CDKAL1: variants seen among roughly 807,000 people sequenced by gnomAD.
The protein encoded by CDKAL1 is threonylcarbamoyladenosine tRNA methylthiotransferase.
Under a neutral mutation model 68.2 loss-of-function variants are expected in CDKAL1, and 32 were observed. The observed-to-expected ratio is 0.47, with a 90% CI of 0.35 to 0.63. The LOEUF (loss-of-function observed/expected upper bound fraction) is 0.63. Among genes scored for constraint, CDKAL1 ranks in the 30% least tolerant of loss-of-function variants. The pLI, the probability that CDKAL1 is intolerant of heterozygous loss-of-function variation, is 0.00. For synonymous variants in CDKAL1, 234 were observed against 244.3 expected (o/e 0.96, Z 0.39); for missense variants, 606 against 696.7 (o/e 0.87, Z 1.47).
At chr6:21,034,890 C>A (rs1769487513) in intron 11 of CDKAL1, among the ~76,000 whole-genome samples, 1 of 152,042 alleles carries the variant, frequency 6.6e-6, no homozygotes, top group African/African-American at 2.4e-5. Flanking sequence ...ATAAAAGGCA[C>A]AAGGTGTAAA....
intron 9 of CDKAL1, among the ~76,000 whole-genome samples, chr6:20,948,372 A>G (rs1050087007): frequency 6.6e-6 from 1 of 152,182 alleles, no homozygotes; most frequent in Non-Finnish European, 1.5e-5. Context: ...CTGTCCTTTA[A>G]AAATCTGAAC....
At chr6:21,061,213 A>C (rs1220471456) in intron 11 of CDKAL1, among the ~76,000 whole-genome samples, 1 of 152,140 alleles carries the variant, frequency 6.6e-6, no homozygotes, top group Non-Finnish European at 1.5e-5. Flanking sequence ...TGCTTCTGAC[A>C]AGGTCAGATG....
intron 13 of CDKAL1, among the ~76,000 whole-genome samples, chr6:21,109,473 G>A (rs1467113956): frequency 2.6e-5 from 4 of 152,188 alleles, no homozygotes; most frequent in Non-Finnish European, 5.9e-5. Flanking sequence ...TGAAACACTA[G>A]CTTCTAGTGT....
chr6:20,718,701 T>G (rs1445604544), intron 5 of CDKAL1, among the ~76,000 whole-genome samples: 4 of 152,252 alleles, frequency 2.6e-5, no homozygotes, highest in Non-Finnish European at 5.9e-5. Context: ...ACCTTGTTCT[T>G]ATGTTTTTCT....
chr6:21,231,934 A>G lies in CDKAL1; in HGVS notation c.*895A>G, dbSNP rs879591483. On this transcript the variant is annotated 3_prime_UTR_variant, in exon 16 of 16. Transcript: ENST00000274695. ...ACATTCTGTGAAATATGAAACTGGAAAACTGGATTTGTCGAAAACTAATTG... is the reference window on the plus strand; with the variant it reads ...ACATTCTGTGAAATATGAAACTGGAGAACTGGATTTGTCGAAAACTAATTG... 5 of 151,966 alleles carry G rather than the reference A, an allele frequency of 3.3e-5. No individual in the cohort carries two copies. The highest frequency in any genetic ancestry group is 5.9e-5 in the Non-Finnish European group (4 of 67,992). 9.4% of individuals were successfully genotyped at this position (151,966 alleles called of 1,614,324 possible).
At chr6:20,849,883 T>G (rs1410560209) in intron 9 of CDKAL1, among the ~76,000 whole-genome samples, 1 of 152,200 alleles carries the variant, frequency 6.6e-6, no homozygotes, top group Non-Finnish European at 1.5e-5. Context: ...ATCTATAAGC[T>G]AATATTTTTA....
intron 4 of CDKAL1, among the ~76,000 whole-genome samples, chr6:20,622,294 C>G (rs530490194): frequency 6.6e-6 from 1 of 152,032 alleles, no homozygotes; most frequent in South Asian, 2.1e-4. Flanking sequence ...GTTTCCCCTA[C>G]CCCAAGGAAA....
At chr6:20,541,667 T>C (rs966735524) in intron 2 of CDKAL1, among the ~76,000 whole-genome samples, 2 of 148,410 alleles carry the variant, frequency 1.3e-5, no homozygotes, top group Admixed American at 6.7e-5. Context: ...TTGACAGTCT[T>C]TTTTTTTTTT....
intron 9 of CDKAL1, among the ~76,000 whole-genome samples, chr6:20,860,318 A>G (rs1759547218): frequency 6.6e-6 from 1 of 152,126 alleles, no homozygotes; most frequent in Non-Finnish European, 1.5e-5. Flanking sequence ...ACCTCAGGTG[A>G]TCCGCCTGCC....
chr6:21,231,306 C>T lies in CDKAL1; in HGVS notation c.*267C>T, dbSNP rs996420950. The T allele has an allele frequency of 1.9e-4, 53 of 280,854 alleles. No homozygotes were observed. In the East Asian group the frequency reaches 2.4e-3, roughly 13 times the overall value. 17.4% of individuals were successfully genotyped at this position (280,854 alleles called of 1,614,324 possible). A position where few individuals can be genotyped will look rare whatever the true frequency, so the allele number is the denominator to read the frequency against. ...GTTTACTTTTAGCAAGAAATGCAAG[C>T]GGTTGCATTTTTTTCTGTTTGTTTC... On this transcript the variant is annotated 3_prime_UTR_variant, in exon 16 of 16. Transcript: ENST00000274695.
intron 9 of CDKAL1, among the ~76,000 whole-genome samples, chr6:20,886,105 G>T (rs887167401): frequency 6.6e-6 from 1 of 152,070 alleles, no homozygotes; most frequent in African/African-American, 2.4e-5. Flanking sequence ...CAAAAGATTT[G>T]AATAGATATT....
At chr6:20,957,711 C>G (rs903085535) in intron 10 of CDKAL1, among the ~76,000 whole-genome samples, 1 of 152,086 alleles carries the variant, frequency 6.6e-6, no homozygotes, top group Non-Finnish European at 1.5e-5. Flanking sequence ...TGGCTCACAC[C>G]TGTAATCCCA....
At chr6:20,748,508 C>T (rs2150335827) in intron 6 of CDKAL1, among the ~76,000 whole-genome samples, 1 of 124,526 alleles carries the variant, frequency 8.0e-6, no homozygotes, top group East Asian at 2.6e-4. Flanking sequence ...GATTGTGCCA[C>T]TGCACTCCAG....
At chr6:20,761,046 C>T (rs1554116563) in intron 7 of CDKAL1, among the ~76,000 whole-genome samples, 1 of 152,088 alleles carries the variant, frequency 6.6e-6, no homozygotes, top group Non-Finnish European at 1.5e-5. Context: ...ATGAAGACCT[C>T]TTAAAACTCA....
At chr6:21,137,106 G>A (rs926933353) in intron 13 of CDKAL1, among the ~76,000 whole-genome samples, 1 of 152,158 alleles carries the variant, frequency 6.6e-6, no homozygotes, top group Non-Finnish European at 1.5e-5. Flanking sequence ...GAGGAGAAGG[G>A]GGTTGGGACG....
chr6:21,061,621 G>C (rs1210672242), intron 11 of CDKAL1, among the ~76,000 whole-genome samples: 1 of 151,966 alleles, frequency 6.6e-6, no homozygotes, highest in Non-Finnish European at 1.5e-5. Context: ...TCATATTCTA[G>C]TAATTTAGAA....
intron 5 of CDKAL1, among the ~76,000 whole-genome samples, chr6:20,720,442 G>T (rs928020831): frequency 6.6e-6 from 1 of 152,222 alleles, no homozygotes; most frequent in East Asian, 1.9e-4. Context: ...TATTCCTTCT[G>T]TGTTCTTACC....
chr6:20,679,312 TTC>T (rs1259685429), intron 5 of CDKAL1, among the ~76,000 whole-genome samples: 1 of 152,248 alleles, frequency 6.6e-6, no homozygotes, highest in Non-Finnish European at 1.5e-5. Context: ...GTGTTTTACT[TTC>T]TGATTTTCTC....
chr6:20,925,754 G>A (rs138954675), intron 9 of CDKAL1, among the ~76,000 whole-genome samples: 6 of 152,170 alleles, frequency 3.9e-5, no homozygotes, highest in East Asian at 1.9e-4. Context: ...CACATAGGAA[G>A]ATACTAGAAC....
Sources: gnomAD v4.1 joint callset for allele counts (sites outside exome capture counted in the v4.1 genomes callset) on GRCh38, gnomAD v4.1.1 for gene constraint, MANE v1.5 for transcripts, NCBI Gene and HGNC (gene_info 2026-07-23, HGNC 2026-07-21) for gene names.